PRKAG2: variants seen among roughly 807,000 people sequenced by gnomAD.
PRKAG2 encodes 5'-AMP-activated protein kinase subunit gamma-2.
Under a neutral mutation model 69.6 loss-of-function variants are expected in PRKAG2, and 26 were observed. The observed-to-expected ratio is 0.37, with a 90% CI of 0.27 to 0.52. The LOEUF (loss-of-function observed/expected upper bound fraction) is 0.52. Among genes scored for constraint, PRKAG2 ranks in the 20% least tolerant of loss-of-function variants. The probability of loss-of-function intolerance (pLI) is 0.90; values close to 1 mark genes in which losing one functional copy is unlikely to be tolerated. For missense variants in PRKAG2, 557 were observed against 740.0 expected (o/e 0.75, Z 2.87); for synonymous variants, 293 against 285.0 (o/e 1.03, Z -0.28).
At chr7:151,598,663 C>T (rs1233639054) in intron 5 of PRKAG2, among the ~76,000 whole-genome samples, 1 of 152,006 alleles carries the variant, frequency 6.6e-6, no homozygotes, top group Non-Finnish European at 1.5e-5. Context: ...TTTGTATCTA[C>T]TAACTCATTG....
At chr7:151,869,290 C>T (rs986165248) in intron 1 of PRKAG2, among the ~76,000 whole-genome samples, 4 of 152,204 alleles carry the variant, frequency 2.6e-5, no homozygotes, top group Non-Finnish European at 5.9e-5. Context: ...CAGTAGGCTG[C>T]TCCTCTGCAG....
intron 10 of PRKAG2, among the ~76,000 whole-genome samples, chr7:151,569,178 G>A (rs576944262): frequency 2.6e-5 from 4 of 152,130 alleles, no homozygotes; most frequent in Non-Finnish European, 5.9e-5. Context: ...GCCTATTTGA[G>A]TAGCTGGGAC....
intron 6 of PRKAG2, among the ~76,000 whole-genome samples, chr7:151,592,791 G>A (rs901668739): frequency 6.6e-6 from 1 of 152,146 alleles, no homozygotes; most frequent in Admixed American, 6.5e-5. Context: ...GTTGTTTTGG[G>A]TACGCGGCTA....
chr7:151,564,636 C>A (rs974478982), intron 13 of PRKAG2, among the ~76,000 whole-genome samples: 1 of 152,104 alleles, frequency 6.6e-6, no homozygotes, highest in African/African-American at 2.4e-5. Flanking sequence ...TCAACAAGCT[C>A]CCTGGGGAAC....
intron 10 of PRKAG2, among the ~76,000 whole-genome samples, chr7:151,569,690 C>T (rs1807096928): frequency 6.6e-6 from 1 of 152,212 alleles, no homozygotes; most frequent in Non-Finnish European, 1.5e-5. Context: ...GGAAATGTAT[C>T]ACAGCCAAAC....
At chr7:151,806,148 C>A (rs2078089983) in intron 1 of PRKAG2, among the ~76,000 whole-genome samples, 1 of 152,218 alleles carries the variant, frequency 6.6e-6, no homozygotes, top group Non-Finnish European at 1.5e-5. Context: ...AGGATCCCAC[C>A]ACTGCACCCC....
chr7:151,865,641 G>A lies in PRKAG2; in HGVS notation c.114+10866C>T, dbSNP rs144470331. Among the ~76,000 whole-genome samples the A allele has an allele frequency of 4.1e-3, 623 of 152,340 alleles. 5 individuals are homozygous for A. Among genetic ancestry groups the A allele is most frequent in the African/African-American group, 0.014 (576 of 41,572 alleles). On this transcript the variant is annotated intron_variant, in intron 1 of 15. Coordinates refer to ENST00000287878, the MANE Select transcript of PRKAG2 (RefSeq NM_016203.4). ...GCGCCAGGCAGGGCTTCCTGATTCCGAGTGTAGTGTTCATTCTAATCTCCA... is the reference window on the plus strand; with the variant it reads ...GCGCCAGGCAGGGCTTCCTGATTCCAAGTGTAGTGTTCATTCTAATCTCCA...
In PRKAG2 at chr7:151,638,346, AATT is replaced by A. The variant is rs1826079088; in HGVS notation, c.685-6211_685-6209del. ...ACTTCTTGGTTGGTAAAAAATGCTA[AATT>A]ATTATCCCGGCATGGTGGCTCATGC... On this transcript the variant is annotated intron_variant, in intron 4 of 15. Coordinates refer to ENST00000287878, the MANE Select transcript of PRKAG2 (RefSeq NM_016203.4). This position sits in a 1 kb window ranked among gnomAD's most constrained non-coding sequence, Gnocchi z 4.3. 6.6e-6 allele frequency among the ~76,000 whole-genome samples: 1 copy of A among 152,080 alleles called. No homozygotes were observed. The highest frequency in any genetic ancestry group is 6.6e-5 in the Admixed American group (1 of 15,258).
intron 4 of PRKAG2, among the ~76,000 whole-genome samples, chr7:151,637,470 G>A (rs1314625525): frequency 6.6e-6 from 1 of 152,140 alleles, no homozygotes; most frequent in Non-Finnish European, 1.5e-5. Context: ...AGACTGAAAA[G>A]ACCTATAAAC....
chr7:151,806,217 G>A (rs1230819103), intron 1 of PRKAG2, among the ~76,000 whole-genome samples: 1 of 152,168 alleles, frequency 6.6e-6, no homozygotes, highest in East Asian at 1.9e-4. Context: ...AAACAGTTTG[G>A]GACAGAGAAA....
intron 5 of PRKAG2, among the ~76,000 whole-genome samples, chr7:151,602,128 TGC>T (rs1180329072): frequency 6.6e-6 from 1 of 152,242 alleles, no homozygotes; most frequent in East Asian, 1.9e-4. Context: ...CGCAGCCGCA[TGC>T]GCAGTCTCCT....
At chr7:151,765,364 A>G (rs1330628998) in intron 3 of PRKAG2, among the ~76,000 whole-genome samples, 1 of 152,236 alleles carries the variant, frequency 6.6e-6, no homozygotes, top group Non-Finnish European at 1.5e-5. Flanking sequence ...TCGCCAGAAT[A>G]GCAATGGGAA....
At chr7:151,657,988 T>C (rs1829706653) in intron 4 of PRKAG2, among the ~76,000 whole-genome samples, 1 of 150,814 alleles carries the variant, frequency 6.6e-6, no homozygotes, top group African/African-American at 2.4e-5. Flanking sequence ...TGAAACCCCA[T>C]CTCTACTAAA....
chr7:151,871,531 C>A (rs1450830665), intron 1 of PRKAG2, among the ~76,000 whole-genome samples: 1 of 152,232 alleles, frequency 6.6e-6, no homozygotes, highest in Non-Finnish European at 1.5e-5. Flanking sequence ...CCCAAAATGC[C>A]CAAGAAAGGC....
intron 4 of PRKAG2, 36 bp downstream of exon 4, chr7:151,675,383 AC>A (rs1563399524): frequency 6.3e-7 from 1 of 1,590,622 alleles, no homozygotes; most frequent in Non-Finnish European, 8.6e-7. Context: ...TCCCTCTGCC[AC>A]CCGGCAGCCC....
chr7:151,834,772 G>T (rs762187023), intron 1 of PRKAG2, among the ~76,000 whole-genome samples: 1 of 152,256 alleles, frequency 6.6e-6, no homozygotes, highest in Non-Finnish European at 1.5e-5. Context: ...ATCGCTGTGG[G>T]TGAGTCTCCT....
At chr7:151,640,493 G>T (rs893620895) in intron 4 of PRKAG2, among the ~76,000 whole-genome samples, 1 of 152,098 alleles carries the variant, frequency 6.6e-6, no homozygotes, top group East Asian at 1.9e-4. Context: ...CATTGTCCTG[G>T]AATAGACCAT....
intron 5 of PRKAG2, among the ~76,000 whole-genome samples, chr7:151,625,777 G>A (rs1585317546): frequency 6.6e-6 from 1 of 152,166 alleles, no homozygotes; most frequent in African/African-American, 2.4e-5. Context: ...AACCGAAGAA[G>A]GAAGGGGAAG....
Position 151,557,876 on chromosome 7 carries a change from TAAAAAAAA to T in PRKAG2, c.1679-652_1679-645del, listed in dbSNP as rs754256312. On this transcript the variant is annotated intron_variant, in intron 15 of 15. Transcript: ENST00000287878. The stretch of plus-strand genomic sequence containing the variant: ...GACAAGAGTGAAACTCCGTCTCAAA[TAAAAAAAA>T]AAAAAACAAAAAAACAAAAAAAAAA... The T allele has an allele frequency of 8.4e-5, 68 of 807,596 alleles. No homozygotes were observed. In the East Asian group the frequency reaches 2.0e-3, roughly 24 times the overall value. 50.0% of individuals were successfully genotyped at this position (807,596 alleles called of 1,614,324 possible).
Sources: allele counts gnomAD v4.1 joint callset (sites outside exome capture counted in the v4.1 genomes callset), GRCh38; gene constraint gnomAD v4.1.1; non-coding constraint Gnocchi (gnomAD v3.1); transcripts MANE v1.5; gene names NCBI Gene and HGNC (gene_info 2026-07-23, HGNC 2026-07-21).